LRRC37A2: variants seen among roughly 807,000 people sequenced by gnomAD.
LRRC37A2 encodes leucine rich repeat containing 37 member A2.
LRRC37A2 carries 9 observed loss-of-function variants against 68.8 expected under a neutral mutation model. That is an observed-to-expected ratio of 0.13 (90% CI 0.08 to 0.23). The LOEUF is 0.23. Among genes scored for constraint, LRRC37A2 ranks in the 10% least tolerant of loss-of-function variants. LRRC37A2 has a pLI of 1.00. For synonymous variants in LRRC37A2, 63 were observed against 367.6 expected (o/e 0.17, Z 9.48); for missense variants, 168 against 950.4 (o/e 0.18, Z 10.82).
the LRRC37A2 span, among the ~76,000 whole-genome samples, chr17:46,914,401 C>T: frequency 2.6e-5 from 4 of 151,674 alleles, no homozygotes; most frequent in African/African-American, 9.7e-5. Context: ...GTAATCCCGG[C>T]ACTTTGGGAG....
the LRRC37A2 span, among the ~76,000 whole-genome samples, chr17:46,813,895 C>T: frequency 6.6e-6 from 1 of 152,234 alleles, no homozygotes; most frequent in Non-Finnish European, 1.5e-5. Context: ...CCACCCAGAG[C>T]CCTCGCTGTC....
At chr17:46,726,412 T>C in the LRRC37A2 span, 63 of 790,026 alleles carry the variant, frequency 8.0e-5, 1 homozygote, top group South Asian at 9.5e-4. Flanking sequence ...AGTGTGTCAA[T>C]TCTAATTTAT....
the LRRC37A2 span, among the ~76,000 whole-genome samples, chr17:46,963,462 T>C: frequency 6.6e-6 from 1 of 151,866 alleles, no homozygotes; most frequent in East Asian, 1.9e-4. Flanking sequence ...CAAGAATTGC[T>C]TGAACCTGGG....
chr17:46,873,310 C>G, the LRRC37A2 span, among the ~76,000 whole-genome samples: 1 of 152,084 alleles, frequency 6.6e-6, no homozygotes, highest in Non-Finnish European at 1.5e-5. Context: ...ACTCCACCCA[C>G]CCACTAAGCA....
At chr17:46,811,308 C>T in the LRRC37A2 span, among the ~76,000 whole-genome samples, 1 of 152,130 alleles carries the variant, frequency 6.6e-6, no homozygotes, top group Admixed American at 6.5e-5. Context: ...CTGATGTCAA[C>T]TCAGCAGGTA....
At chr17:46,599,046 A>G in the LRRC37A2 span, among the ~76,000 whole-genome samples, 1 of 75,946 alleles carries the variant, frequency 1.3e-5, no homozygotes, top group Non-Finnish European at 2.5e-5. Context: ...TCTGAAACCC[A>G]GAGGAATTTA....
chr17:46,765,072 C>G, the LRRC37A2 span, among the ~76,000 whole-genome samples: 1 of 152,244 alleles, frequency 6.6e-6, no homozygotes, highest in Non-Finnish European at 1.5e-5. Flanking sequence ...TACTTAATTA[C>G]GAACAATTCC....
chr17:46,950,480 C>T, the LRRC37A2 span, among the ~76,000 whole-genome samples: 1 of 152,190 alleles, frequency 6.6e-6, no homozygotes, highest in African/African-American at 2.4e-5. Context: ...TTTTCCTTCA[C>T]ACTTGTCCCA....
the LRRC37A2 span, among the ~76,000 whole-genome samples, chr17:46,579,977 A>AGC: frequency 6.7e-5 from 10 of 148,544 alleles, 1 homozygote; most frequent in East Asian, 2.1e-3. Flanking sequence ...ACGGCCAATC[A>AGC]GCTGGGAAAA....
chr17:46,734,909 A>G, the LRRC37A2 span, among the ~76,000 whole-genome samples: 1 of 152,090 alleles, frequency 6.6e-6, no homozygotes, highest in Non-Finnish European at 1.5e-5. Flanking sequence ...AAGTTAGTCG[A>G]ATGTGGTGGT....
the LRRC37A2 span, among the ~76,000 whole-genome samples, chr17:46,898,261 A>C: frequency 6.6e-6 from 1 of 152,202 alleles, no homozygotes; most frequent in East Asian, 1.9e-4. Context: ...TCCCCCAGCC[A>C]ACAAATAGAT....
the LRRC37A2 span, among the ~76,000 whole-genome samples, chr17:46,798,810 G>A: frequency 1.2e-4 from 18 of 152,210 alleles, no homozygotes; most frequent in Admixed American, 3.3e-4. Flanking sequence ...AGCACTTTGG[G>A]AGGCCAAGGC....
At chr17:46,502,580 G>T in the LRRC37A2 span, among the ~76,000 whole-genome samples, 1 of 151,198 alleles carries the variant, frequency 6.6e-6, no homozygotes, top group East Asian at 1.9e-4. Context: ...GGGATTACAG[G>T]CATGAGCCAC....
the LRRC37A2 span, among the ~76,000 whole-genome samples, chr17:46,991,788 G>A: frequency 6.6e-6 from 1 of 152,214 alleles, no homozygotes; most frequent in South Asian, 2.1e-4. Flanking sequence ...GCCACCACCT[G>A]TTTTTCTAAA....
At chr17:46,502,815 A>G in the LRRC37A2 span, among the ~76,000 whole-genome samples, 2 of 151,110 alleles carry the variant, frequency 1.3e-5, no homozygotes, top group African/African-American at 4.9e-5. Context: ...TGTCTGTACC[A>G]CCCAGGGGCT....
chr17:46,876,654 G>T, the LRRC37A2 span: 1 of 1,604,100 alleles, frequency 6.2e-7, no homozygotes. Context: ...CAGGTGCAGT[G>T]GTGCTGCTAC....
chr17:46,916,260 G>A, the LRRC37A2 span, among the ~76,000 whole-genome samples: 2 of 152,214 alleles, frequency 1.3e-5, no homozygotes, highest in African/African-American at 4.8e-5. Flanking sequence ...GATCTCATGA[G>A]ATACTGGGTT....
At chr17:47,033,167 A>T in the LRRC37A2 span, 1 of 601,204 alleles carries the variant, frequency 1.7e-6, no homozygotes, top group Non-Finnish European at 2.9e-6. Flanking sequence ...CAGTGAGCCA[A>T]GATCACACCA....
the LRRC37A2 span, chr17:46,756,460 A>G: frequency 6.6e-6 from 1 of 152,276 alleles, no homozygotes. Flanking sequence ...TCAGATGACT[A>G]CCGTGTTGGT....
Sources: gnomAD v4.1 joint callset for allele counts (sites outside exome capture counted in the v4.1 genomes callset) on GRCh38, gnomAD v4.1.1 for gene constraint, MANE v1.5 for transcripts, NCBI Gene and HGNC (gene_info 2026-07-23, HGNC 2026-07-21) for gene names.